The following RPRD2 variants were observed in gnomAD, a reference collection of about 807,000 sequenced individuals.
The protein encoded by RPRD2 is regulation of nuclear pre-mRNA domain containing 2.
A neutral mutation model predicts 104.4 loss-of-function variants in RPRD2; 12 were observed. The ratio of observed to expected loss-of-function variants is 0.11; its 90% confidence interval spans 0.07 to 0.19. RPRD2 has a LOEUF of 0.19. RPRD2 is among the 10% of genes least tolerant of loss of function. RPRD2 has a pLI of 1.00. For synonymous variants in RPRD2, 714 were observed against 684.9 expected (o/e 1.04, Z -0.66); for missense variants, 1,543 against 1,790.1 (o/e 0.86, Z 2.49).
intron 7 of RPRD2, among the ~76,000 whole-genome samples, chr1:150,450,347 C>T (rs1473502639): frequency 6.6e-6 from 1 of 151,950 alleles, no homozygotes; most frequent in East Asian, 1.9e-4. Context: ...TGGCTCACGC[C>T]TGTAATCCCA....
intron 1 of RPRD2, among the ~76,000 whole-genome samples, chr1:150,393,454 C>CAAAAAAAAAAAAAA (rs1203478537): frequency 5.0e-5 from 3 of 59,530 alleles, no homozygotes; most frequent in Non-Finnish European, 6.8e-5. Flanking sequence ...GACCCTGTCT[C>CAAAAAAAAAAAAAA]AAAAAAAAAA....
At chr1:150,453,790 A>T (rs1667350661) in intron 7 of RPRD2, among the ~76,000 whole-genome samples, 1 of 152,198 alleles carries the variant, frequency 6.6e-6, no homozygotes, top group Non-Finnish European at 1.5e-5. Flanking sequence ...AATGCTGAAC[A>T]TTAAAAGATT....
At chr1:150,440,285 C>CT (rs1553894097) in intron 2 of RPRD2, among the ~76,000 whole-genome samples, 1 of 152,042 alleles carries the variant, frequency 6.6e-6, no homozygotes. Flanking sequence ...CCAGACTGGT[C>CT]TCGAACTCCT....
chr1:150,449,390 A>G (rs1261162277), intron 7 of RPRD2, among the ~76,000 whole-genome samples: 1 of 152,120 alleles, frequency 6.6e-6, no homozygotes, highest in African/African-American at 2.4e-5. Context: ...ACTTATTGAT[A>G]TGCTTGGGTT....
At chr1:150,399,168 A>G (rs1433121200) in intron 1 of RPRD2, among the ~76,000 whole-genome samples, 1 of 151,772 alleles carries the variant, frequency 6.6e-6, no homozygotes, top group African/African-American at 2.4e-5. Context: ...CACCTCGGTT[A>G]TCTTTTAATT....
At chr1:150,402,089 G>A (rs1406874981) in intron 1 of RPRD2, among the ~76,000 whole-genome samples, 1 of 151,854 alleles carries the variant, frequency 6.6e-6, no homozygotes, top group African/African-American at 2.4e-5. Flanking sequence ...CTCCCGAGTG[G>A]CTGGGATTAC....
In RPRD2 at chr1:150,373,533, C is replaced by CTTTTT. The variant is rs56743462; in HGVS notation, c.205+8631_205+8635dup. On this transcript the variant is annotated intron_variant, in intron 1 of 10. Coordinates refer to ENST00000369068, the MANE Select transcript of RPRD2 (RefSeq NM_015203.5). ...AGAGGAGGAGAATAATCAAGAATGA[C>CTTTTT]TTTTTTTTTTTTTTTTTTTTTAGCT... Among the ~76,000 whole-genome samples, 37 of 97,414 alleles carry CTTTTT rather than the reference C, an allele frequency of 3.8e-4. 3 individuals carry two copies. Among genetic ancestry groups the CTTTTT allele is most frequent in the East Asian group, 8.6e-4 (3 of 3,498 alleles). 63.9% of individuals were successfully genotyped at this position (97,414 alleles called of 152,430 possible). A position where few individuals can be genotyped will look rare whatever the true frequency, so the allele number is the denominator to read the frequency against.
At chr1:150,419,651 C>A (rs782399787) in intron 2 of RPRD2, among the ~76,000 whole-genome samples, 3 of 152,008 alleles carry the variant, frequency 2.0e-5, no homozygotes, top group Non-Finnish European at 2.9e-5. Context: ...GATGGAGTTT[C>A]GCTCTTGTTG....
chr1:150,423,444 T>C (rs1177942751), intron 2 of RPRD2, among the ~76,000 whole-genome samples: 5 of 152,214 alleles, frequency 3.3e-5, no homozygotes, highest in African/African-American at 1.2e-4. Flanking sequence ...AAAAGGCAAT[T>C]ATTTGTGCTT....
chr1:150,469,463 G>A (rs1156286161), intron 10 of RPRD2, among the ~76,000 whole-genome samples: 2 of 151,998 alleles, frequency 1.3e-5, no homozygotes, highest in Non-Finnish European at 2.9e-5. Context: ...TTTTTTTAGA[G>A]ACAGAGTCTC....
At chr1:150,448,587 T>G (rs1281682543) in intron 7 of RPRD2, among the ~76,000 whole-genome samples, 1 of 152,236 alleles carries the variant, frequency 6.6e-6, no homozygotes, top group Non-Finnish European at 1.5e-5. Context: ...AAGCTTACAT[T>G]ATAACTCTGT....
chr1:150,459,240 A>G (rs6686809), intron 8 of RPRD2, among the ~76,000 whole-genome samples: 33,747 of 152,142 alleles, frequency 0.22, 4,266 homozygotes, highest in African/African-American at 0.32. Context: ...CAGCCCTTAA[A>G]GCATTAAAAA....
rs587740372 is a variant in RPRD2 at position 150,397,874 on chromosome 1, C to T, written c.206-19722C>T. On this transcript the variant is annotated intron_variant, in intron 1 of 10. Transcript: ENST00000369068. The stretch of plus-strand genomic sequence containing the variant: ...CGATTCTCCTGCCTCAGTCAGCCTC[C>T]GGAGTAGCTGGAATTACAGGCATCC... 7.2e-5 allele frequency among the ~76,000 whole-genome samples: 11 copies of T among 152,100 alleles called. No homozygotes were observed. In the South Asian group the frequency reaches 1.7e-3, roughly 23 times the overall value.
chr1:150,469,119 C>G (rs1300187633), intron 10 of RPRD2, among the ~76,000 whole-genome samples: 5 of 152,042 alleles, frequency 3.3e-5, no homozygotes, highest in African/African-American at 1.2e-4. Flanking sequence ...TAGGCCAAAT[C>G]TGTTAGAATA....
chr1:150,410,119 C>T (rs1663791642), intron 1 of RPRD2, among the ~76,000 whole-genome samples: 1 of 151,988 alleles, frequency 6.6e-6, no homozygotes. Flanking sequence ...TGTTGGAGGC[C>T]TTGTAAAGAC....
At chr1:150,450,066 C>T (rs1228882566) in intron 7 of RPRD2, among the ~76,000 whole-genome samples, 20 of 152,004 alleles carry the variant, frequency 1.3e-4, no homozygotes, top group Non-Finnish European at 2.5e-4. Context: ...CCCATCTGTT[C>T]TTAGTTGGTT....
chr1:150,463,838 C>T (rs1423488698), intron 9 of RPRD2, among the ~76,000 whole-genome samples: 1 of 152,106 alleles, frequency 6.6e-6, no homozygotes, highest in Non-Finnish European at 1.5e-5. Context: ...CTGTAGGTGC[C>T]ATTTGGTGGA....
chr1:150,461,403 ACTAG>A (rs1369775932), intron 9 of RPRD2, among the ~76,000 whole-genome samples: 1 of 152,234 alleles, frequency 6.6e-6, no homozygotes, highest in African/African-American at 2.4e-5. Flanking sequence ...CTGTTTCAAA[ACTAG>A]CTATTTAAAA....
intron 2 of RPRD2, among the ~76,000 whole-genome samples, chr1:150,433,555 C>G (rs1007349779): frequency 1.4e-5 from 2 of 147,454 alleles, no homozygotes; most frequent in Non-Finnish European, 1.5e-5. Context: ...TGCCATTCTC[C>G]TGCCTCAGCC....
Sources: allele counts gnomAD v4.1 joint callset (sites outside exome capture counted in the v4.1 genomes callset), GRCh38; gene constraint gnomAD v4.1.1; transcripts MANE v1.5; gene names NCBI Gene and HGNC (gene_info 2026-07-23, HGNC 2026-07-21).